Variants in ABCA13 observed in about 807,000 individuals in gnomAD.
ABCA13 encodes the protein ATP binding cassette subfamily A member 13, also known as ATP-binding cassette sub-family A member 13.
A neutral mutation model predicts 478.7 loss-of-function variants in ABCA13; 476 were observed. That is an observed-to-expected ratio of 0.99 (90% CI 0.92 to 1.07). The LOEUF is 1.07. Ranked by LOEUF, ABCA13 falls within the 50% of genes least tolerant of loss-of-function variation. The pLI, the probability that ABCA13 is intolerant of heterozygous loss-of-function variation, is 0.00. For missense variants in ABCA13, 6,060 were observed against 5,910.6 expected (o/e 1.03, Z -0.83); for synonymous variants, 2,252 against 2,158.9 (o/e 1.04, Z -1.20).
intron 28 of ABCA13, among the ~76,000 whole-genome samples, chr7:48,336,275 TG>T (rs1806252745): frequency 6.6e-6 from 1 of 152,120 alleles, no homozygotes; most frequent in Admixed American, 6.5e-5. Context: ...ATGGAGCCCT[TG>T]GAATAGGTTT....
intron 58 of ABCA13, among the ~76,000 whole-genome samples, chr7:48,610,768 TC>T (rs948666623): frequency 2.2e-4 from 34 of 152,222 alleles, no homozygotes; most frequent in African/African-American, 7.2e-4. Context: ...CTGCTTGCAC[TC>T]TCTGGACCAG....
intron 57 of ABCA13, among the ~76,000 whole-genome samples, chr7:48,592,326 A>C (rs1789841972): frequency 6.6e-6 from 1 of 150,904 alleles, no homozygotes. Context: ...TTTTAATTTC[A>C]TTTTTGACCC....
chr7:48,356,220 A>G (rs1008544137), intron 31 of ABCA13, among the ~76,000 whole-genome samples: 4 of 151,916 alleles, frequency 2.6e-5, no homozygotes, highest in African/African-American at 9.7e-5. Context: ...TTGGATTTAC[A>G]CCATCCAGGA....
chr7:48,617,010 C>T (rs548580271), intron 59 of ABCA13, among the ~76,000 whole-genome samples: 6 of 152,080 alleles, frequency 3.9e-5, no homozygotes, highest in South Asian at 2.1e-4. Flanking sequence ...CTCCAGCCTG[C>T]GTGACAGAGT....
chr7:48,518,985 C>A (rs1347573932), intron 52 of ABCA13, among the ~76,000 whole-genome samples: 1 of 151,764 alleles, frequency 6.6e-6, no homozygotes, highest in Non-Finnish European at 1.5e-5. Flanking sequence ...CCCCAACAGG[C>A]CCCAGTGTGT....
At position 48,275,494 on chromosome 7, in the gene ABCA13, G is replaced by C. The variant is rs372364026; in HGVS notation, c.5828G>C (p.Cys1943Ser). The C allele has an allele frequency of 1.4e-5, 23 of 1,613,718 alleles. No individual in the cohort carries two copies. Among genetic ancestry groups the C allele is most frequent in the Non-Finnish European group, 1.9e-5 (22 of 1,179,836 alleles). ...ACTAGGGATAGCATCTCTGAACTCT[G>C]TCCTAGTGGTTCCATAAAGCAAGTT... ...NQTRDSISELCPSGSIKQVAL... is the reference protein window; with the variant it reads ...NQTRDSISELSPSGSIKQVAL... The change falls in exon 17 of 62, where the codon TGT (cysteine) becomes TCT (serine). Residue 1943 changes from cysteine (C) to serine (S), a missense_variant. Around this residue, in one of 3 missense-constraint regions of ABCA13, gnomAD observed 4,423 missense variants for 4,309.1 expected, o/e 1.03. Transcript: ENST00000435803.
chr7:48,507,999 A>C lies in ABCA13; in HGVS notation c.13474A>C (p.Ser4492Arg). Reference protein sequence around the residue: ...VIGAKRLQHISGLGYRMYWFT... With the variant: ...VIGAKRLQHIRGLGYRMYWFT... ...TGGAGCCAAAAGGTTGCAGCACATA[A>C]GTGGCCTTGGCTACAGGATGTACTG... Residue 4492 changes from serine (S) to arginine (R), a missense_variant, in exon 50 of 62, where the codon AGT becomes CGT. By Grantham distance (110) the Ser-to-Arg change is moderately radical (BLOSUM62 -1). Transcript: ENST00000435803. 6.2e-7 allele frequency: 1 copy of C among 1,613,874 alleles called. No individual in the cohort carries two copies. The highest frequency in any genetic ancestry group is 1.1e-5 in the South Asian group (1 of 91,074).
rs184093589 is a variant in ABCA13, at chr7:48,207,133, A to T, written c.287+8773A>T. Among the ~76,000 whole-genome samples the T allele has an allele frequency of 2.8e-4, 42 of 152,302 alleles. 1 individual carries two copies. Among genetic ancestry groups the T allele is most frequent in the Admixed American group, 2.4e-3 (37 of 15,304 alleles). The stretch of plus-strand genomic sequence containing the variant: ...TTCCAGTTGCATCCTTGTCGTTGCA[A>T]ATGACAGGATGTCATTCTTTTTTAT... On this transcript the variant is annotated intron_variant, in intron 3 of 61. Coordinates refer to ENST00000435803, the MANE Select transcript of ABCA13 (RefSeq NM_152701.5).
At chr7:48,365,686 A>G (rs182274959) in intron 31 of ABCA13, among the ~76,000 whole-genome samples, 49 of 152,260 alleles carry the variant, frequency 3.2e-4, no homozygotes, top group South Asian at 1.0e-3. Flanking sequence ...CCTTTTCCCA[A>G]TGTATGAACT....
chr7:48,400,004 T>G (rs1817372668), intron 38 of ABCA13, among the ~76,000 whole-genome samples: 1 of 152,132 alleles, frequency 6.6e-6, no homozygotes, highest in Non-Finnish European at 1.5e-5. Context: ...TCCTTGCATA[T>G]GCTATTCTTT....
intron 7 of ABCA13, among the ~76,000 whole-genome samples, chr7:48,232,010 C>A (rs1490739826): frequency 6.6e-6 from 1 of 152,160 alleles, no homozygotes; most frequent in Non-Finnish European, 1.5e-5. Context: ...TTCTACAATC[C>A]CATTCAGAAT....
intron 55 of ABCA13, among the ~76,000 whole-genome samples, chr7:48,536,640 T>G (rs570679807): frequency 1.3e-5 from 2 of 148,950 alleles, no homozygotes; most frequent in Non-Finnish European, 3.0e-5. Flanking sequence ...AGAGTGAGAC[T>G]CCATCTCAAA....
In ABCA13 at chr7:48,392,069, C is replaced by A. The variant is rs369920601; in HGVS notation, c.11803C>A (p.His3935Asn). The change falls in exon 38 of 62, where the codon CAT becomes AAT. Residue 3935 changes from histidine to asparagine, a missense_variant. Transcript: ENST00000435803. The stretch of plus-strand genomic sequence containing the variant: ...GTTGGACAACCTCACCGTCCGGGAA[C>A]ATTTGCTGCTCTTTGCTTCCATAAA... ...ILLDNLTVRE[H>N]LLLFASIKAP... 1 of 1,613,994 alleles carries A rather than the reference C, an allele frequency of 6.2e-7. No individual in the cohort carries two copies. Among genetic ancestry groups the A allele is most frequent in the Non-Finnish European group, 8.5e-7 (1 of 1,179,874 alleles).
chr7:48,291,616 C>T (rs1275920104), intron 20 of ABCA13, among the ~76,000 whole-genome samples: 1 of 152,210 alleles, frequency 6.6e-6, no homozygotes, highest in Non-Finnish European at 1.5e-5. Flanking sequence ...ATCCCTGCTC[C>T]TCAGTCCGAG....
intron 7 of ABCA13, among the ~76,000 whole-genome samples, chr7:48,231,903 C>G (rs12155156): frequency 1.3e-5 from 2 of 152,154 alleles, no homozygotes; most frequent in African/African-American, 4.8e-5. Flanking sequence ...CTCAGGTGAT[C>G]TGCCCTCCTC....
At position 48,372,487 on chromosome 7, in the gene ABCA13, A is replaced by T. The variant is rs143050255; in HGVS notation, c.11123A>T (p.Gln3708Leu). Residue 3708 changes from glutamine to leucine, a missense_variant, in exon 33 of 62, where the codon CAG becomes CTG. Around this residue, in one of 3 missense-constraint regions of ABCA13, gnomAD observed 4,423 missense variants for 4,309.1 expected, o/e 1.03. Transcript: ENST00000435803. Reference protein sequence around the residue: ...VLHNQLSFVNQTFLCLLSTTA... With the variant: ...VLHNQLSFVNLTFLCLLSTTA... Reference sequence around the variant, plus strand: ...CATAACCAATTAAGTTTTGTTAATCAGACATTTCTGGTAAGTAAGTTGTTT... The same window carrying T: ...CATAACCAATTAAGTTTTGTTAATCTGACATTTCTGGTAAGTAAGTTGTTT... The T allele has an allele frequency of 4.1e-4, 644 of 1,560,508 alleles. 4 individuals are homozygous for T. In the East Asian group the frequency reaches 0.014, roughly 33 times the overall value.
intron 55 of ABCA13, among the ~76,000 whole-genome samples, chr7:48,559,663 A>G (rs1049014594): frequency 2.0e-5 from 3 of 152,054 alleles, no homozygotes; most frequent in Non-Finnish European, 4.4e-5. Flanking sequence ...AGCCAACACA[A>G]CTCAGTCTCA....
chr7:48,330,156 T>C (rs1464619168), intron 27 of ABCA13, among the ~76,000 whole-genome samples: 2 of 151,820 alleles, frequency 1.3e-5, no homozygotes, highest in Non-Finnish European at 2.9e-5. Flanking sequence ...CATCTATTTG[T>C]TTATCTCTCT....
At chr7:48,376,090 G>A (rs1813434178) in intron 34 of ABCA13, among the ~76,000 whole-genome samples, 1 of 151,998 alleles carries the variant, frequency 6.6e-6, no homozygotes, top group Non-Finnish European at 1.5e-5. Context: ...TAGAATTTGG[G>A]TTCTCAAGGA....
Sources: allele counts gnomAD v4.1 joint callset (sites outside exome capture counted in the v4.1 genomes callset), GRCh38; gene constraint gnomAD v4.1.1; regional missense constraint gnomAD v4.1.1; transcripts MANE v1.5; gene names NCBI Gene and HGNC (gene_info 2026-07-23, HGNC 2026-07-21).